The following DST variants were observed in gnomAD, a reference collection of about 807,000 sequenced individuals.
DST encodes the protein bullous pemphigoid antigen.
A neutral mutation model predicts 875.2 loss-of-function variants in DST; 253 were observed. The observed-to-expected ratio is 0.29, with a 90% CI of 0.26 to 0.32. DST has a LOEUF of 0.32. Ranked by LOEUF, DST falls within the 10% of genes least tolerant of loss-of-function variation. DST has a pLI of 1.00. For missense variants in DST, 8,287 were observed against 9,111.6 expected, an observed-to-expected ratio of 0.91 and a Z score of 3.68; for synonymous variants, 3,124 against 3,197.1, an observed-to-expected ratio of 0.98 and a Z score of 0.77.
chr6:56,665,503 TA>T (rs2099067749), intron 10 of DST, among the ~76,000 whole-genome samples: 1 of 152,098 alleles, frequency 6.6e-6, no homozygotes, highest in Non-Finnish European at 1.5e-5. Context: ...TCTTTAAATC[TA>T]GTTTGCCTAA....
rs576257440 is a variant in DST, at chr6:56,783,402, G to C, written c.626-48113C>G. Among the ~76,000 whole-genome samples, 3 of 152,176 alleles carry C rather than the reference G, an allele frequency of 2.0e-5. No homozygotes were observed. The East Asian group carries it at 5.8e-4, about 29-fold the overall frequency. On this transcript the variant is annotated intron_variant, in intron 4 of 103. Coordinates refer to ENST00000680361, the MANE Select transcript of DST (RefSeq NM_001374736.1). ...CTCAGGACTTGCTTTATGAATCTGG[G>C]TGCTCCTGTATTGGGTGCATATATA...
intron 85 of DST, among the ~76,000 whole-genome samples, chr6:56,491,556 G>GT (rs1183476094): frequency 6.6e-6 from 1 of 152,186 alleles, no homozygotes; most frequent in African/African-American, 2.4e-5. Context: ...GGTAAAGGGA[G>GT]TAAGGAGAGG....
chr6:56,569,325 GA>G lies in DST; in HGVS notation c.13878+530del, dbSNP rs755987516. 3.8e-4 allele frequency among the ~76,000 whole-genome samples: 36 copies of G among 94,782 alleles called. 1 individual carries two copies. Among genetic ancestry groups the G allele is most frequent in the East Asian group, 2.5e-3 (8 of 3,240 alleles). The allele number at this position is 94,782 out of a possible 152,430, so 62.2% of individuals were successfully genotyped here. A position where few individuals can be genotyped will look rare whatever the true frequency, so the allele number is the denominator to read the frequency against. On this transcript the variant is annotated intron_variant, in intron 54 of 103. Transcript: ENST00000680361. ...GGGCAAAAGAGCAAGACTCTGTCTC[GA>G]AAAAAAAAAAAAACAAAAACACACA...
intron 37 of DST, 151 bp downstream of exon 37, chr6:56,614,205 A>C (rs531556812): frequency 1.6e-6 from 1 of 621,382 alleles, no homozygotes; most frequent in African/African-American, 1.9e-5. Flanking sequence ...TTCTTTGGGC[A>C]AGTTATTTAA....
intron 68 of DST, 60 bp from the exon 69 acceptor site, chr6:56,526,627 T>C: frequency 6.7e-7 from 1 of 1,500,874 alleles, no homozygotes; most frequent in Non-Finnish European, 9.1e-7. Context: ...TTCCTTTAAC[T>C]GTTCTTGGAG....
intron 5 of DST, among the ~76,000 whole-genome samples, chr6:56,723,921 G>GGTAT (rs1301316944): frequency 6.6e-6 from 1 of 152,068 alleles, no homozygotes; most frequent in South Asian, 2.1e-4. Context: ...CCCAACCCAG[G>GGTAT]GTATCCCACA....
At chr6:56,466,293 T>C in intron 98 of DST, 98 bp from the exon 99 acceptor site, 1 of 790,106 alleles carries the variant, frequency 1.3e-6, no homozygotes, top group Non-Finnish European at 1.9e-6. Context: ...CCGACTTTAA[T>C]TTCTTGCTTA....
chr6:56,615,987 T>C, intron 36 of DST: 1 of 1,614,180 alleles, frequency 6.2e-7, no homozygotes, highest in Non-Finnish European at 8.5e-7. Context: ...TTTTTGCCAG[T>C]AAGAGGATCA....
chr6:56,825,012 T>C (rs2099778370), intron 4 of DST, among the ~76,000 whole-genome samples: 1 of 152,152 alleles, frequency 6.6e-6, no homozygotes. Context: ...CAACAGCTCA[T>C]TGAGAACGGG....
chr6:56,616,525 T>A (rs1205486309), intron 36 of DST: 7 of 1,614,184 alleles, frequency 4.3e-6, no homozygotes, highest in Non-Finnish European at 5.9e-6. Flanking sequence ...ATTGGGACTC[T>A]ACATCAAATA....
chr6:56,693,058 G>T, intron 9 of DST: 1 of 1,289,732 alleles, frequency 7.8e-7, no homozygotes, highest in Non-Finnish European at 1.0e-6. Flanking sequence ...TTTTCTTCCA[G>T]GAGAGTATTT....
chr6:56,763,797 A>C (rs2099625084), intron 4 of DST, among the ~76,000 whole-genome samples: 1 of 150,042 alleles, frequency 6.7e-6, no homozygotes, highest in African/African-American at 2.5e-5. Flanking sequence ...TGTCTTGAGG[A>C]ATGCTGGTCC....
intron 4 of DST, among the ~76,000 whole-genome samples, chr6:56,781,948 G>A (rs1460133574): frequency 6.6e-6 from 1 of 152,118 alleles, no homozygotes; most frequent in Admixed American, 6.6e-5. Flanking sequence ...GTTGAATTTT[G>A]TCAAAGGCCT....
chr6:56,639,431 G>A lies in DST; in HGVS notation c.2859+19C>T. On this transcript the variant is annotated intron_variant, in intron 21 of 103. Coordinates refer to ENST00000680361, the MANE Select transcript of DST (RefSeq NM_001374736.1). ...CCTAAAATGCAACCCTAGTATGCAAGTACAAAGGGTGTACTTACAGCATGA... is the reference window on the plus strand; with the variant it reads ...CCTAAAATGCAACCCTAGTATGCAAATACAAAGGGTGTACTTACAGCATGA... 1 of 1,613,522 alleles carries A rather than the reference G, an allele frequency of 6.2e-7. No individual in the cohort carries two copies. The highest frequency in any genetic ancestry group is 8.5e-7 in the Non-Finnish European group (1 of 1,179,744).
chr6:56,586,329 T>C (rs959171576), intron 49 of DST, among the ~76,000 whole-genome samples: 8 of 151,906 alleles, frequency 5.3e-5, no homozygotes, highest in Non-Finnish European at 1.2e-4. Flanking sequence ...CTGGTTGAAT[T>C]GATCCCTTTA....
rs1446296726 is a variant in DST, at chr6:56,557,436, G to A, written c.14523C>T (p.Phe4841=). 3 of 1,613,540 alleles carry A rather than the reference G, an allele frequency of 1.9e-6. No individual in the cohort carries two copies. The highest frequency in any genetic ancestry group is 2.5e-6 in the Non-Finnish European group (3 of 1,179,694). The part of the protein sequence containing the change: ...LEESSNNLTQ[F]QTVEAQLKQW... ...GTTTCAATTGGGCCTCTACAGTCTG[G>A]AACTGGGTTAGATTATTGGAGGATT... Residue 4841 remains phenylalanine, a synonymous_variant, in exon 59 of 104, where the codon TTC becomes TTT. Coordinates refer to ENST00000680361, the MANE Select transcript of DST (RefSeq NM_001374736.1).
Position 56,529,627 on chromosome 6 carries a change from G to T in DST, c.17416C>A (p.Gln5806Lys). Residue 5806 changes from glutamine to lysine, a missense_variant, in exon 66 of 104, where the codon CAA (glutamine) becomes AAA (lysine). Physicochemically the swap from Gln to Lys is moderately conservative, Grantham distance 53. Around this residue, in one of 10 missense-constraint regions of DST, gnomAD observed 777 missense variants for 764.8 expected, o/e 1.02. Transcript: ENST00000680361. ...TCAGACCTGCTGTGACTTTTCTCTT[G>T]AATCTCAATGTACCATACTTGAGAG... ...DFSQVWYIEI[Q>K]EKSHSRSELL... 6.2e-7 allele frequency: 1 copy of T among 1,613,684 alleles called. No homozygotes were observed. Among genetic ancestry groups the T allele is most frequent in the Non-Finnish European group, 8.5e-7 (1 of 1,179,756 alleles).
In DST at chr6:56,608,302, G is replaced by A. The variant is rs761890523; in HGVS notation, c.6326C>T (p.Ala2109Val). 1 of 1,613,358 alleles carries A rather than the reference G, an allele frequency of 6.2e-7. No individual in the cohort carries two copies. Among genetic ancestry groups the A allele is most frequent in the South Asian group, 1.1e-5 (1 of 91,078 alleles). ...TTGAGAACTTTCTGGAATATAAAGA[G>A]CAGCTATTTTTTGTCTGCCATTCAG... ...KILNGRQKIA[A>V]LYIPESSQVI... Residue 2109 changes from alanine to valine, a missense_variant, in exon 40 of 104, where the codon GCT (alanine) becomes GTT (valine). Physicochemically the swap from Ala to Val is moderately conservative, Grantham distance 64. Transcript: ENST00000680361.
chr6:56,812,101 C>CA (rs375166145), intron 4 of DST, among the ~76,000 whole-genome samples: 11 of 14,836 alleles, frequency 7.4e-4, no homozygotes, highest in Non-Finnish European at 1.1e-3. Context: ...GACTCTGACT[C>CA]AAAAAAAAAA....
Sources: gnomAD v4.1 joint callset for allele counts (sites outside exome capture counted in the v4.1 genomes callset) on GRCh38, gnomAD v4.1.1 for gene constraint, gnomAD v4.1.1 regional missense constraint, MANE v1.5 for transcripts, NCBI Gene and HGNC (gene_info 2026-07-23, HGNC 2026-07-21) for gene names.